UBE2N: variants seen among roughly 807,000 people sequenced by gnomAD.
UBE2N encodes the protein ubiquitin-conjugating enzyme E2 N.
For synonymous variants in UBE2N, 70 were observed against 69.2 expected, an observed-to-expected ratio of 1.01 and a Z score of -0.06; for missense variants, 60 against 192.1, an observed-to-expected ratio of 0.31 and a Z score of 4.07.
At chr12:93,424,909 A>G (rs939280065) in intron 1 of UBE2N, among the ~76,000 whole-genome samples, 2 of 152,210 alleles carry the variant, frequency 1.3e-5, no homozygotes, top group Non-Finnish European at 2.9e-5. Flanking sequence ...AGAGAGTTAT[A>G]TTTAATGTTA....
intron 1 of UBE2N, among the ~76,000 whole-genome samples, chr12:93,413,822 C>T (rs1333767842): frequency 6.6e-6 from 1 of 152,192 alleles, no homozygotes; most frequent in Non-Finnish European, 1.5e-5. Flanking sequence ...CTGCTTCTGA[C>T]CTCACTACCT....
intron 1 of UBE2N, among the ~76,000 whole-genome samples, chr12:93,420,191 T>G (rs1244300549): frequency 2.0e-5 from 3 of 152,194 alleles, no homozygotes; most frequent in Non-Finnish European, 2.9e-5. Context: ...ATTCCTTTTT[T>G]GGGAAAAGCT....
intron 1 of UBE2N, among the ~76,000 whole-genome samples, chr12:93,431,418 C>T (rs1878770544): frequency 6.6e-6 from 1 of 152,164 alleles, no homozygotes; most frequent in Non-Finnish European, 1.5e-5. Context: ...CAGAATCAGA[C>T]CACCTGGGTT....
chr12:93,432,383 A>G (rs1333784331), intron 1 of UBE2N, among the ~76,000 whole-genome samples: 1 of 152,094 alleles, frequency 6.6e-6, no homozygotes, highest in Admixed American at 6.5e-5. Context: ...GTTACAGAAA[A>G]CTGAAATTTG....
Position 93,406,322 on chromosome 12 carries a change from A to C in UBE2N, c.*3717T>G. ...AAAAAAAAAGGTTCCTGAACCATTCAACAGAAAAATGAGGCCTATTCCTAT... is the reference window on the plus strand; with the variant it reads ...AAAAAAAAAGGTTCCTGAACCATTCCACAGAAAAATGAGGCCTATTCCTAT... On this transcript the variant is annotated 3_prime_UTR_variant, in exon 4 of 4. Coordinates refer to ENST00000318066, the MANE Select transcript of UBE2N (RefSeq NM_003348.4). The C allele has an allele frequency of 6.7e-6, 1 of 148,340 alleles. No individual in the cohort carries two copies. The highest frequency in any genetic ancestry group is 2.5e-5 in the African/African-American group (1 of 39,974). The allele number at this position is 148,340 out of a possible 1,614,324, so 9.2% of individuals were successfully genotyped here.
chr12:93,410,325 A>G, intron 3 of UBE2N: 1 of 510,054 alleles, frequency 2.0e-6, no homozygotes, highest in Non-Finnish European at 3.4e-6. Context: ...GTCCATTTCT[A>G]GATACACAAT....
intron 1 of UBE2N, among the ~76,000 whole-genome samples, chr12:93,420,433 T>C (rs1220341617): frequency 6.6e-6 from 1 of 152,168 alleles, no homozygotes; most frequent in Non-Finnish European, 1.5e-5. Flanking sequence ...TACATCAGAA[T>C]GTATCTCAGG....
intron 1 of UBE2N, among the ~76,000 whole-genome samples, chr12:93,429,683 C>A (rs552571219): frequency 6.6e-6 from 1 of 151,900 alleles, no homozygotes; most frequent in Non-Finnish European, 1.5e-5. Flanking sequence ...CCCTGAAGAC[C>A]TTCGAGTAGG....
intron 1 of UBE2N, among the ~76,000 whole-genome samples, chr12:93,416,529 C>A (rs1447138647): frequency 6.6e-6 from 1 of 151,464 alleles, no homozygotes; most frequent in Non-Finnish European, 1.5e-5. Context: ...CTCACTGCAA[C>A]CTCTGCCTCC....
At chr12:93,439,611 T>C (rs544952849) in intron 1 of UBE2N, among the ~76,000 whole-genome samples, 41 of 152,290 alleles carry the variant, frequency 2.7e-4, no homozygotes, top group African/African-American at 9.1e-4. Context: ...ACACAGAAGT[T>C]TGTATAGTGA....
intron 1 of UBE2N, among the ~76,000 whole-genome samples, chr12:93,417,964 T>C (rs1457214926): frequency 6.6e-6 from 1 of 152,230 alleles, no homozygotes; most frequent in Non-Finnish European, 1.5e-5. Context: ...TATGAGAATC[T>C]GCAAGTTCAC....
At chr12:93,418,364 AAAAACAAAAC>A (rs138198665) in intron 1 of UBE2N, among the ~76,000 whole-genome samples, 2 of 151,848 alleles carry the variant, frequency 1.3e-5, no homozygotes, top group East Asian at 3.9e-4. Context: ...CTTGTCTCTT[AAAAACAAAAC>A]AAAACAAAAC....
chr12:93,411,460 T>G (rs1665800174), intron 1 of UBE2N, among the ~76,000 whole-genome samples, 161 bp from the exon 2 acceptor site: 1 of 152,222 alleles, frequency 6.6e-6, no homozygotes, highest in Admixed American at 6.5e-5. Context: ...AAATACCATT[T>G]AAATAATTAC....
intron 1 of UBE2N, among the ~76,000 whole-genome samples, chr12:93,425,100 GT>G (rs1878539811): frequency 6.6e-6 from 1 of 152,154 alleles, no homozygotes; most frequent in Non-Finnish European, 1.5e-5. Flanking sequence ...GTTAGGGTCT[GT>G]TCTTTACATT....
intron 1 of UBE2N, among the ~76,000 whole-genome samples, chr12:93,436,532 G>A (rs2121099922): frequency 6.6e-6 from 1 of 152,314 alleles, no homozygotes; most frequent in Admixed American, 6.5e-5. Flanking sequence ...GTTCCCGAAA[G>A]TGATTCTCCT....
In UBE2N at chr12:93,423,147, T is replaced by C. The variant is rs147215016; in HGVS notation, c.31-11848A>G. On this transcript the variant is annotated intron_variant, in intron 1 of 3. Coordinates refer to ENST00000318066, the MANE Select transcript of UBE2N (RefSeq NM_003348.4). ...ATCAATAATCACACCGCACACACTG[T>C]AGAATGTGTTGCACACAGTGTGAGC... Among the ~76,000 whole-genome samples the C allele has an allele frequency of 2.6e-3, 392 of 152,362 alleles. 5 individuals are homozygous for C. The highest frequency in any genetic ancestry group is 9.1e-3 in the African/African-American group (378 of 41,582).
chr12:93,441,310 C>G (rs1433474141), intron 1 of UBE2N: 3 of 152,434 alleles, frequency 2.0e-5, no homozygotes, highest in Non-Finnish European at 2.9e-5. Context: ...GCGGGCCTCC[C>G]AGAGCCACTT....
chr12:93,441,908 T>G lies in UBE2N; in HGVS notation c.-24A>C. On this transcript the variant is annotated 5_prime_UTR_variant, in exon 1 of 4. Transcript: ENST00000318066. ...ATCTTGTCAGAACCCGAGTTCGGCC[T>G]CTGGTCTCGTCTCCGGCTCCTCTCG... 1 of 1,569,050 alleles carries G rather than the reference T, an allele frequency of 6.4e-7. No homozygotes were observed. Among genetic ancestry groups the G allele is most frequent in the African/African-American group, 1.4e-5 (1 of 70,938 alleles).
intron 1 of UBE2N, among the ~76,000 whole-genome samples, chr12:93,433,607 C>T (rs1363052090): frequency 1.3e-5 from 2 of 151,402 alleles, no homozygotes; most frequent in East Asian, 1.9e-4. Context: ...AATATTATTA[C>T]ATAAACTATG....
Sources: allele counts gnomAD v4.1 joint callset (sites outside exome capture counted in the v4.1 genomes callset), GRCh38; gene constraint gnomAD v4.1.1; transcripts MANE v1.5; gene names NCBI Gene and HGNC (gene_info 2026-07-23, HGNC 2026-07-21).